The following CACNA2D4 variants were observed in gnomAD, a reference collection of about 807,000 sequenced individuals.
The protein encoded by CACNA2D4 is voltage-dependent calcium channel subunit alpha-2/delta-4.
A neutral mutation model predicts 163.8 loss-of-function variants in CACNA2D4; 157 were observed. The ratio of observed to expected loss-of-function variants is 0.96; its 90% CI spans 0.84 to 1.09. The LOEUF is 1.09. Ranked by LOEUF, CACNA2D4 falls within the 50% of genes least tolerant of loss-of-function variation. The pLI is 0.00. For missense variants in CACNA2D4, 1,410 were observed against 1,479.9 expected (o/e 0.95, Z 0.78); for synonymous variants, 598 against 586.9 (o/e 1.02, Z -0.27).
At chr12:1,851,664 T>TGTGTGTGTGC (rs1266385541) in intron 23 of CACNA2D4, among the ~76,000 whole-genome samples, 1 of 87,678 alleles carries the variant, frequency 1.1e-5, no homozygotes, top group Non-Finnish European at 2.3e-5. Context: ...TGTGTGTGTG[T>TGTGTGTGTGC]GTGTGTGTGT....
In CACNA2D4 at chr12:1,828,190, C is replaced by T. The variant is rs983644952; in HGVS notation, c.2551+12549G>A. 3.6e-5 allele frequency: 55 copies of T among 1,546,988 alleles called. No homozygotes were observed. The highest frequency in any genetic ancestry group is 7.4e-5 in the East Asian group (3 of 40,714). On this transcript the variant is annotated intron_variant, in intron 26 of 37. Coordinates refer to ENST00000382722, the MANE Select transcript of CACNA2D4 (RefSeq NM_172364.5). The surrounding 1 kb of genome is among the most constrained non-coding windows in gnomAD (Gnocchi z 4.2). ...GCAGCCCTGGGCAGAGGGGCAGGCT[C>T]GCCCTGCAGTGGAGGCAAGTCTCCT...
At position 1,909,934 on chromosome 12, in the gene CACNA2D4, A is replaced by G. The variant is rs1372705935; in HGVS notation, c.458T>C (p.Leu153Pro). 4 of 1,613,850 alleles carry G rather than the reference A, an allele frequency of 2.5e-6. No individual in the cohort carries two copies. Among genetic ancestry groups the G allele is most frequent in the East Asian group, 2.2e-5 (1 of 44,886 alleles). Residue 153 changes from leucine (L) to proline (P), a missense_variant, in exon 4 of 38, where the codon CTG becomes CCG. Physicochemically the swap from Leu to Pro is moderately conservative, Grantham distance 98 (BLOSUM62 -3). Coordinates refer to ENST00000382722, the MANE Select transcript of CACNA2D4 (RefSeq NM_172364.5). ...NLVEAAEEADLNHEFNESLVF... is the reference protein window; with the variant it reads ...NLVEAAEEADPNHEFNESLVF... ...CAGGGATTCATTGAATTCGTGGTTC[A>G]GGTCGGCCTCCTCGGCAGCTTCCAC... is the stretch of plus-strand genomic sequence containing the variant.
At chr12:1,795,148 G>A (rs1863075471) in intron 37 of CACNA2D4, 151 bp downstream of exon 37, 1 of 635,840 alleles carries the variant, frequency 1.6e-6, no homozygotes, top group East Asian at 2.7e-5. Flanking sequence ...CAGTGTCACA[G>A]GGCATAAACG....
intron 20 of CACNA2D4, among the ~76,000 whole-genome samples, chr12:1,856,852 T>C (rs1469985357): frequency 6.6e-6 from 1 of 151,986 alleles, no homozygotes; most frequent in Non-Finnish European, 1.5e-5. Context: ...CCACTGAGGG[T>C]AAGTCCAAGG....
intron 29 of CACNA2D4, 49 bp from the exon 30 acceptor site, chr12:1,801,693 G>A (rs1863339236): frequency 6.8e-6 from 9 of 1,317,724 alleles, no homozygotes; most frequent in Non-Finnish European, 9.6e-6. Flanking sequence ...AGATGGAGCA[G>A]GATGGAGCCT....
intron 13 of CACNA2D4, among the ~76,000 whole-genome samples, chr12:1,881,016 G>A (rs769897172): frequency 3.3e-5 from 5 of 152,148 alleles, no homozygotes; most frequent in African/African-American, 7.2e-5. Context: ...TTGCAAGGGC[G>A]GACACCTGCC....
chr12:1,903,473 A>C (rs1215813254), intron 6 of CACNA2D4, among the ~76,000 whole-genome samples: 2 of 152,130 alleles, frequency 1.3e-5, no homozygotes. Context: ...TATCCATCTG[A>C]GAAGGGATTA....
At chr12:1,881,945 C>T (rs1866010097) in intron 13 of CACNA2D4, among the ~76,000 whole-genome samples, 1 of 152,244 alleles carries the variant, frequency 6.6e-6, no homozygotes, top group African/African-American at 2.4e-5. Context: ...ACCATTGCCT[C>T]GTTGCATTCC....
intron 12 of CACNA2D4, 48 bp downstream of exon 12, chr12:1,884,195 C>T: frequency 1.9e-6 from 3 of 1,563,146 alleles, no homozygotes; most frequent in Non-Finnish European, 2.6e-6. Context: ...AACCCTGTCT[C>T]CTGTGCTCAG....
chr12:1,808,461 A>G (rs879308901), intron 29 of CACNA2D4, among the ~76,000 whole-genome samples: 1 of 152,234 alleles, frequency 6.6e-6, no homozygotes, highest in Non-Finnish European at 1.5e-5. Flanking sequence ...CGCCACCTGC[A>G]TTTGCTCACA....
At chr12:1,831,290 G>A in intron 26 of CACNA2D4, 2 of 1,613,654 alleles carry the variant, frequency 1.2e-6, no homozygotes, top group Non-Finnish European at 1.7e-6. Context: ...ACTCGCCGCT[G>A]CTCCGCCACC....
In CACNA2D4 at chr12:1,905,674, A is replaced by G. The variant is rs568297340; in HGVS notation, c.781+1766T>C. 4.2e-4 allele frequency among the ~76,000 whole-genome samples: 64 copies of G among 152,336 alleles called. No homozygotes were observed. In the South Asian group the frequency reaches 7.0e-3, roughly 17 times the overall value. ...GTGAAAGACCTGTACAGTGAAAACT[A>G]TGAAACACTGCTGAAAGAAATTAAG... On this transcript the variant is annotated intron_variant, in intron 6 of 37. Transcript: ENST00000382722.
At chr12:1,837,112 C>A (rs1446113882) in intron 26 of CACNA2D4, among the ~76,000 whole-genome samples, 1 of 152,210 alleles carries the variant, frequency 6.6e-6, no homozygotes, top group Non-Finnish European at 1.5e-5. Context: ...CGCCATGGCC[C>A]GTGCCCTGTG....
At chr12:1,864,571 T>C (rs1865598683) in intron 18 of CACNA2D4, among the ~76,000 whole-genome samples, 1 of 152,208 alleles carries the variant, frequency 6.6e-6, no homozygotes, top group Non-Finnish European at 1.5e-5. Context: ...CTGTGCCTGC[T>C]GCCGTGCGGG....
At position 1,799,924 on chromosome 12, in the gene CACNA2D4, C is replaced by G; in HGVS notation, c.2974+76G>C. The G allele has an allele frequency of 1.3e-6, 2 of 1,485,916 alleles. No homozygotes were observed. The highest frequency in any genetic ancestry group is 1.8e-6 in the Non-Finnish European group (2 of 1,087,606). 92.0% of individuals were successfully genotyped at this position (1,485,916 alleles called of 1,614,324 possible). ...CCTATCCCCACTGTCACCCACCCCACAGGGAATGGTCTCACGTTAGTGGAC... is the reference window on the plus strand; with the variant it reads ...CCTATCCCCACTGTCACCCACCCCAGAGGGAATGGTCTCACGTTAGTGGAC... On this transcript the variant is annotated intron_variant, in intron 33 of 37. Coordinates refer to ENST00000382722, the MANE Select transcript of CACNA2D4 (RefSeq NM_172364.5). The surrounding 1 kb of genome is among the most constrained non-coding windows in gnomAD (Gnocchi z 4.7).
intron 18 of CACNA2D4, among the ~76,000 whole-genome samples, chr12:1,861,184 A>G (rs894151928): frequency 6.6e-6 from 1 of 152,186 alleles, no homozygotes; most frequent in African/African-American, 2.4e-5. Flanking sequence ...AGGGACACAG[A>G]GAGAGAGGAC....
At chr12:1,830,224 T>A (rs1325602565) in intron 26 of CACNA2D4, among the ~76,000 whole-genome samples, 1 of 152,228 alleles carries the variant, frequency 6.6e-6, no homozygotes, top group African/African-American at 2.4e-5. Flanking sequence ...GAAGTGGGTT[T>A]GTACATCTTA....
chr12:1,846,533 G>A (rs1016663669), intron 24 of CACNA2D4, 61 bp downstream of exon 24: 65 of 1,364,622 alleles, frequency 4.8e-5, no homozygotes, highest in African/African-American at 3.6e-4. Context: ...AACACACCAT[G>A]GGACTCTGGC....
intron 6 of CACNA2D4, among the ~76,000 whole-genome samples, 160 bp downstream of exon 6, chr12:1,907,280 T>C (rs1046681643): frequency 3.9e-5 from 6 of 152,238 alleles, no homozygotes; most frequent in African/African-American, 9.6e-5. Flanking sequence ...GTGCATATCA[T>C]GCAGTGAGAA....
Sources: gnomAD v4.1 joint callset for allele counts (sites outside exome capture counted in the v4.1 genomes callset) on GRCh38, gnomAD v4.1.1 for gene constraint, Gnocchi (gnomAD v3.1) non-coding constraint, MANE v1.5 for transcripts, NCBI Gene and HGNC (gene_info 2026-07-23, HGNC 2026-07-21) for gene names.